Variants in GLIS3 observed in about 807,000 individuals in gnomAD.
The protein encoded by GLIS3 is GLIS family zinc finger 3, also known as zinc finger protein GLIS3.
A neutral mutation model predicts 78.6 loss-of-function variants in GLIS3; 53 were observed. The observed-to-expected ratio is 0.67, with a 90% CI of 0.54 to 0.85. The LOEUF is 0.85. Among genes scored for constraint, GLIS3 ranks in the 40% least tolerant of loss-of-function variants. The pLI is 0.00. For missense variants in GLIS3, 1,703 were observed against 1,231.1 expected (o/e 1.38, Z -5.74); for synonymous variants, 684 against 509.9 (o/e 1.34, Z -4.60).
At chr9:4,310,747 G>A (rs1817337654) in intron 2 of GLIS3, among the ~76,000 whole-genome samples, 1 of 152,148 alleles carries the variant, frequency 6.6e-6, no homozygotes, top group African/African-American at 2.4e-5. Context: ...TGGGTCTTAG[G>A]AGGATTTTTT....
chr9:4,250,066 T>C (rs1170853425), intron 2 of GLIS3, among the ~76,000 whole-genome samples: 1 of 152,224 alleles, frequency 6.6e-6, no homozygotes, highest in Non-Finnish European at 1.5e-5. Flanking sequence ...TCAGGGATAT[T>C]GGCCCGAAAT....
intron 4 of GLIS3, among the ~76,000 whole-genome samples, chr9:4,039,192 C>G (rs995071420): frequency 1.3e-5 from 2 of 152,146 alleles, no homozygotes; most frequent in Admixed American, 6.5e-5. Context: ...TAATAGGGCA[C>G]CTGGTTATTC....
intron 2 of GLIS3, among the ~76,000 whole-genome samples, chr9:4,281,273 G>A (rs1229801015): frequency 6.6e-6 from 1 of 152,146 alleles, no homozygotes; most frequent in Non-Finnish European, 1.5e-5. Flanking sequence ...TAAAATTGTG[G>A]TAAAATATAT....
At chr9:4,383,002 A>G in the GLIS3 span, among the ~76,000 whole-genome samples, 2 of 152,108 alleles carry the variant, frequency 1.3e-5, no homozygotes, top group South Asian at 2.1e-4. Flanking sequence ...CCATCTGTCT[A>G]TTTTCCTAAA....
intron 4 of GLIS3, among the ~76,000 whole-genome samples, chr9:3,938,339 G>T (rs1043479590): frequency 6.6e-6 from 1 of 152,166 alleles, no homozygotes; most frequent in Non-Finnish European, 1.5e-5. Context: ...AGGAAGGAAG[G>T]TAAGTTCCAG....
intron 8 of GLIS3, among the ~76,000 whole-genome samples, chr9:3,872,997 A>T (rs1821064776): frequency 6.6e-6 from 1 of 152,166 alleles, no homozygotes; most frequent in Admixed American, 6.5e-5. Context: ...ATTGGAACAT[A>T]TAAATGAAAT....
intron 4 of GLIS3, among the ~76,000 whole-genome samples, chr9:4,086,057 C>A (rs1027390451): frequency 6.6e-6 from 1 of 152,170 alleles, no homozygotes; most frequent in Non-Finnish European, 1.5e-5. Context: ...ATTTCTTTGT[C>A]CTTACACGAG....
the GLIS3 span, among the ~76,000 whole-genome samples, chr9:4,450,240 G>C: frequency 3.9e-5 from 6 of 152,122 alleles, no homozygotes; most frequent in African/African-American, 1.4e-4. Flanking sequence ...GTGAAAGAAA[G>C]GGTATCAGTG....
At chr9:4,421,097 C>G in the GLIS3 span, among the ~76,000 whole-genome samples, 1 of 152,204 alleles carries the variant, frequency 6.6e-6, no homozygotes, top group Non-Finnish European at 1.5e-5. Context: ...CTGAGTTTCC[C>G]TTTAATTACT....
intron 4 of GLIS3, among the ~76,000 whole-genome samples, chr9:3,991,979 C>CG (rs1820346702): frequency 6.6e-6 from 1 of 152,084 alleles, no homozygotes; most frequent in Non-Finnish European, 1.5e-5. Context: ...CATGAGCCAC[C>CG]CTGCCCGGCC....
chr9:4,171,262 T>C (rs1332464478), intron 2 of GLIS3, among the ~76,000 whole-genome samples: 1 of 152,212 alleles, frequency 6.6e-6, no homozygotes, highest in African/African-American at 2.4e-5. Context: ...GTTCTATTTA[T>C]TCACTAACAG....
At chr9:4,418,252 C>A in the GLIS3 span, among the ~76,000 whole-genome samples, 1 of 123,950 alleles carries the variant, frequency 8.1e-6, no homozygotes, top group African/African-American at 3.1e-5. Flanking sequence ...ATTTTTAATT[C>A]CACAAATATG....
chr9:4,258,068 A>G (rs1463065384), intron 2 of GLIS3, among the ~76,000 whole-genome samples: 2 of 152,240 alleles, frequency 1.3e-5, no homozygotes, highest in African/African-American at 4.8e-5. Context: ...ATGCCTATGT[A>G]CACACAACAC....
chr9:4,078,936 T>G (rs1315351571), intron 4 of GLIS3, among the ~76,000 whole-genome samples: 2 of 152,226 alleles, frequency 1.3e-5, no homozygotes, highest in Admixed American at 1.3e-4. Context: ...GAAAAATGAT[T>G]AAGCTACCTT....
At chr9:4,281,446 C>G (rs942781256) in intron 2 of GLIS3, among the ~76,000 whole-genome samples, 1 of 152,180 alleles carries the variant, frequency 6.6e-6, no homozygotes, top group Non-Finnish European at 1.5e-5. Flanking sequence ...CTCATGCCCC[C>G]TTCTCCCCAA....
At chr9:4,455,477 CATAGG>C in the GLIS3 span, among the ~76,000 whole-genome samples, 2 of 152,108 alleles carry the variant, frequency 1.3e-5, no homozygotes, top group Non-Finnish European at 2.9e-5. Flanking sequence ...ATCAAACAGA[CATAGG>C]ATCTTAGGTT....
At chr9:3,940,717 G>A (rs1236829672) in intron 4 of GLIS3, among the ~76,000 whole-genome samples, 1 of 152,202 alleles carries the variant, frequency 6.6e-6, no homozygotes, top group Admixed American at 6.5e-5. Context: ...GGAGACAAAC[G>A]CAGGGTGACA....
intron 9 of GLIS3, among the ~76,000 whole-genome samples, chr9:3,850,864 C>CT (rs1226817071): frequency 6.6e-6 from 1 of 152,208 alleles, no homozygotes; most frequent in East Asian, 1.9e-4. Context: ...CCTGGAATGC[C>CT]TTTACTCACT....
At chr9:4,110,485 C>T (rs564588635) in intron 4 of GLIS3, among the ~76,000 whole-genome samples, 11 of 152,232 alleles carry the variant, frequency 7.2e-5, no homozygotes, top group African/African-American at 2.4e-4. Context: ...GAACCTGTGG[C>T]CCAAGAAAAG....
Sources: allele counts gnomAD v4.1 joint callset (sites outside exome capture counted in the v4.1 genomes callset), GRCh38; gene constraint gnomAD v4.1.1; transcripts MANE v1.5; gene names NCBI Gene and HGNC (gene_info 2026-07-23, HGNC 2026-07-21).